ZNF385D: variants seen among roughly 807,000 people sequenced by gnomAD.
ZNF385D encodes zinc finger protein 659.
Under a neutral mutation model 35.8 loss-of-function variants are expected in ZNF385D, and 15 were observed. The ratio of observed to expected loss-of-function variants is 0.42; its 90% CI spans 0.28 to 0.64. The LOEUF is 0.64. ZNF385D is among the 30% of genes least tolerant of loss of function. ZNF385D has a pLI of 0.23. For synonymous variants in ZNF385D, 212 were observed against 186.8 expected (o/e 1.13, Z -1.10); for missense variants, 474 against 494.6 (o/e 0.96, Z 0.39).
Position 21,676,276 on chromosome 3 carries a change from A to G in ZNF385D, c.23-11248T>C, listed in dbSNP as rs148426954. 2.6e-5 allele frequency among the ~76,000 whole-genome samples: 4 copies of G among 152,194 alleles called. No homozygotes were observed. The East Asian group carries it at 7.7e-4, about 29-fold the overall frequency. On this transcript the variant is annotated intron_variant, in intron 1 of 7. Transcript: ENST00000281523. ...TTACAAACTCTATAATACCAAAAAG[A>G]TACTCTGATTTCAATTTCCTTAAGA...
intron 3 of ZNF385D, among the ~76,000 whole-genome samples, chr3:22,068,091 A>T (rs1010308548): frequency 2.0e-5 from 3 of 152,196 alleles, no homozygotes; most frequent in Non-Finnish European, 2.9e-5. Context: ...AATAGAAATT[A>T]ACTGAATTTA....
intron 1 of ZNF385D, among the ~76,000 whole-genome samples, chr3:21,701,389 C>A (rs1026471334): frequency 2.0e-5 from 3 of 152,074 alleles, no homozygotes; most frequent in African/African-American, 7.2e-5. Context: ...ATGAGAATAG[C>A]ACGGGAAAGA....
intron 2 of ZNF385D, among the ~76,000 whole-genome samples, chr3:22,306,132 A>G (rs1449976507): frequency 6.6e-6 from 1 of 151,970 alleles, no homozygotes; most frequent in Non-Finnish European, 1.5e-5. Flanking sequence ...TCTTAATTTG[A>G]GTTATTCTGC....
intron 3 of ZNF385D, among the ~76,000 whole-genome samples, chr3:22,153,464 C>CTTTTT (rs769926281): frequency 1.9e-4 from 21 of 109,320 alleles, no homozygotes; most frequent in South Asian, 3.0e-4. Flanking sequence ...TGAAATTCTT[C>CTTTTT]TTTTTTTTTT....
chr3:22,176,910 A>T (rs747573625), intron 2 of ZNF385D, among the ~76,000 whole-genome samples: 3 of 152,242 alleles, frequency 2.0e-5, no homozygotes, highest in African/African-American at 2.4e-5. Context: ...ATAATAGATC[A>T]GATATGTCTT....
At position 21,686,611 on chromosome 3, in the gene ZNF385D, G is replaced by A. The variant is rs181437091; in HGVS notation, c.23-21583C>T. On this transcript the variant is annotated intron_variant, in intron 1 of 7. Transcript: ENST00000281523. ...AGGAATATTTTACACTCTTTTTCAT[G>A]TACAAAGCCTTTGAAAACCAGTGTG... Among the ~76,000 whole-genome samples, 8 of 152,202 alleles carry A rather than the reference G, an allele frequency of 5.3e-5. No homozygotes were observed. The East Asian group carries it at 1.5e-3, about 29-fold the overall frequency.
At chr3:21,439,255 C>A (rs368749942) in intron 4 of ZNF385D, among the ~76,000 whole-genome samples, 2 of 145,968 alleles carry the variant, frequency 1.4e-5, no homozygotes, top group Admixed American at 1.4e-4. Context: ...ATTGTGAGCC[C>A]GAGCCAAGCA....
chr3:22,078,145 T>C (rs1423811404), intron 3 of ZNF385D, among the ~76,000 whole-genome samples: 1 of 152,064 alleles, frequency 6.6e-6, no homozygotes, highest in African/African-American at 2.4e-5. Context: ...AGGCTCATTA[T>C]CGGAAACGTC....
intron 1 of ZNF385D, among the ~76,000 whole-genome samples, chr3:21,699,097 A>T (rs2067576634): frequency 6.6e-6 from 1 of 152,266 alleles, no homozygotes; most frequent in South Asian, 2.1e-4. Context: ...CCAAATGTCC[A>T]TCAATGATAG....
At chr3:21,429,469 A>G (rs1340305073) in intron 5 of ZNF385D, among the ~76,000 whole-genome samples, 1 of 152,078 alleles carries the variant, frequency 6.6e-6, no homozygotes, top group Non-Finnish European at 1.5e-5. Flanking sequence ...AGACATTTGT[A>G]TTATTTCCCT....
chr3:22,254,132 C>T (rs1378183201), intron 2 of ZNF385D, among the ~76,000 whole-genome samples: 2 of 151,714 alleles, frequency 1.3e-5, no homozygotes, highest in Non-Finnish European at 2.9e-5. Flanking sequence ...TATACAGTTT[C>T]CTCATGATCA....
At chr3:22,040,382 C>T (rs187462403) in intron 3 of ZNF385D, among the ~76,000 whole-genome samples, 3 of 152,176 alleles carry the variant, frequency 2.0e-5, no homozygotes, top group East Asian at 1.9e-4. Context: ...CTTAAGTGCA[C>T]AGAGACTAAT....
At chr3:22,090,981 A>G (rs987138079) in intron 3 of ZNF385D, among the ~76,000 whole-genome samples, 1 of 152,186 alleles carries the variant, frequency 6.6e-6, no homozygotes, top group African/African-American at 2.4e-5. Context: ...ACATGGCAAA[A>G]GAATTGCAAG....
At chr3:21,966,851 GATTATAGGGATT>G (rs1559799691) in intron 3 of ZNF385D, among the ~76,000 whole-genome samples, 1 of 152,212 alleles carries the variant, frequency 6.6e-6, no homozygotes, top group Non-Finnish European at 1.5e-5. Context: ...GAGGCCGAAG[GATTATAGGGATT>G]ATAGCGCTGC....
At chr3:21,984,148 G>A (rs1694672776) in intron 3 of ZNF385D, among the ~76,000 whole-genome samples, 1 of 135,758 alleles carries the variant, frequency 7.4e-6, no homozygotes, top group African/African-American at 3.4e-5. Context: ...TTCTTTTGCT[G>A]TGCAGAAGCT....
chr3:22,319,390 T>C (rs1467862926), intron 2 of ZNF385D, among the ~76,000 whole-genome samples: 1 of 151,750 alleles, frequency 6.6e-6, no homozygotes, highest in African/African-American at 2.4e-5. Context: ...TATTAAATTA[T>C]ATGCAATATT....
intron 2 of ZNF385D, among the ~76,000 whole-genome samples, chr3:22,285,474 A>G (rs766527217): frequency 1.7e-4 from 26 of 152,184 alleles, no homozygotes; most frequent in Non-Finnish European, 3.1e-4. Flanking sequence ...TGAAAAATGT[A>G]AAATGAAGTA....
chr3:22,071,843 C>T (rs1700241899), intron 3 of ZNF385D, among the ~76,000 whole-genome samples: 1 of 152,076 alleles, frequency 6.6e-6, no homozygotes, highest in Non-Finnish European at 1.5e-5. Flanking sequence ...ACTCTTTTTG[C>T]TCTGCCATCT....
At chr3:22,207,388 A>C (rs895308680) in intron 2 of ZNF385D, among the ~76,000 whole-genome samples, 2 of 152,006 alleles carry the variant, frequency 1.3e-5, no homozygotes, top group African/African-American at 4.8e-5. Flanking sequence ...CTGGACACGC[A>C]TATGCAGAAG....
Sources: allele counts gnomAD v4.1 joint callset (sites outside exome capture counted in the v4.1 genomes callset), GRCh38; gene constraint gnomAD v4.1.1; transcripts MANE v1.5; gene names NCBI Gene and HGNC (gene_info 2026-07-23, HGNC 2026-07-21).